Variants in LUC7L observed in about 807,000 individuals in gnomAD.
LUC7L encodes putative RNA-binding protein Luc7-like 1.
Under a neutral mutation model 51.1 loss-of-function variants are expected in LUC7L, and 29 were observed. The observed-to-expected ratio is 0.57, with a 90% CI of 0.42 to 0.77. LUC7L has a LOEUF of 0.77. LUC7L is among the 30% of genes least tolerant of loss of function. The pLI, the probability that LUC7L is intolerant of heterozygous loss-of-function variation, is 0.00. For missense variants in LUC7L, 403 were observed against 511.9 expected (o/e 0.79, Z 2.05); for synonymous variants, 181 against 180.7 (o/e 1.00, Z -0.01).
At chr16:203,406 T>C (rs2049387802) in intron 5 of LUC7L, among the ~76,000 whole-genome samples, 1 of 151,898 alleles carries the variant, frequency 6.6e-6, no homozygotes. Context: ...CAAAACCAGA[T>C]AAAGGTATTA....
intron 3 of LUC7L, among the ~76,000 whole-genome samples, chr16:216,380 GTTTTT>G (rs34292372): frequency 9.3e-6 from 1 of 107,306 alleles, no homozygotes; most frequent in Non-Finnish European, 1.8e-5. Flanking sequence ...TCAAATAGTT[GTTTTT>G]TTTTTTTTTT....
rs1383279147 is a variant in LUC7L, at chr16:189,259, TC to T, written c.1054del (p.Glu352ArgfsTer28). On this transcript the variant is annotated frameshift_variant, in exon 10 of 10. Transcript: ENST00000293872. LOFTEE classifies it high-confidence loss of function. ...SERGPPDWRLESSNGKMASRR... is the reference protein window; with the variant it reads ...SERGPPDWRLXSSNGKMASRR... Reference sequence around the variant, plus strand: ...TGAAGCCATCTTCCCGTTGGAGCTCTCAAGCCTCCAGTCCGGGGGCCCTCGC... The same window carrying T: ...TGAAGCCATCTTCCCGTTGGAGCTCTAAGCCTCCAGTCCGGGGGCCCTCGC... The T allele has an allele frequency of 6.2e-7, 1 of 1,614,036 alleles. No homozygotes were observed. The highest frequency in any genetic ancestry group is 1.7e-5 in the Admixed American group (1 of 60,006).
intron 5 of LUC7L, among the ~76,000 whole-genome samples, chr16:203,541 T>C (rs1218420098): frequency 6.6e-6 from 1 of 151,756 alleles, no homozygotes; most frequent in East Asian, 1.9e-4. Flanking sequence ...ACCCAGTCTC[T>C]CCAAAAAATA....
chr16:197,350 T>C (rs918398280), intron 6 of LUC7L, among the ~76,000 whole-genome samples: 1 of 151,224 alleles, frequency 6.6e-6, no homozygotes, highest in African/African-American at 2.4e-5. Context: ...GTAGCCAGGA[T>C]TACAGGCGCC....
intron 5 of LUC7L, among the ~76,000 whole-genome samples, chr16:203,598 T>G (rs907115698): frequency 2.0e-5 from 3 of 151,930 alleles, no homozygotes; most frequent in African/African-American, 7.2e-5. Context: ...GTCCTAGCTA[T>G]TTGAAAGGCT....
At chr16:199,316 T>C (rs1199255192) in intron 5 of LUC7L, 78 bp from the exon 6 acceptor site, 6 of 926,576 alleles carry the variant, frequency 6.5e-6, no homozygotes, top group African/African-American at 1.7e-5. Context: ...AATGAAAATA[T>C]TTGATAAGAT....
At chr16:221,186 A>ATTTTTTT (rs372906826) in intron 2 of LUC7L, among the ~76,000 whole-genome samples, 77 of 101,242 alleles carry the variant, frequency 7.6e-4, no homozygotes, top group East Asian at 1.7e-3. Context: ...CACCCAGCTA[A>ATTTTTTT]TTTTTTTTTT....
chr16:229,124 C>A (rs972153922), intron 1 of LUC7L, 155 bp downstream of exon 1: 14 of 1,408,636 alleles, frequency 9.9e-6, no homozygotes, highest in Non-Finnish European at 1.3e-5. Context: ...CCGGCTTAGA[C>A]AAAGGCCCGG....
chr16:208,683 G>A (rs1435362801), intron 3 of LUC7L: 2 of 952,310 alleles, frequency 2.1e-6, no homozygotes, highest in East Asian at 1.2e-4. Flanking sequence ...CAAAACAATA[G>A]AACAAATATT....
At chr16:217,646 G>A (rs1266208413) in intron 3 of LUC7L, among the ~76,000 whole-genome samples, 1 of 150,894 alleles carries the variant, frequency 6.6e-6, no homozygotes, top group Admixed American at 6.6e-5. Context: ...GGCAGAGGTT[G>A]CAGTGGGCCG....
intron 6 of LUC7L, among the ~76,000 whole-genome samples, chr16:197,489 C>T (rs888863652): frequency 6.6e-5 from 10 of 152,172 alleles, no homozygotes; most frequent in African/African-American, 1.9e-4. Context: ...GGATTACAGG[C>T]GTGAGCCACC....
At chr16:206,173 C>T (rs1357139553) in intron 4 of LUC7L, 26 bp from the exon 5 acceptor site, 1 of 1,601,034 alleles carries the variant, frequency 6.2e-7, no homozygotes, top group Non-Finnish European at 8.5e-7. Context: ...ATGAGGTAAG[C>T]AGACATCTGA....
intron 6 of LUC7L, among the ~76,000 whole-genome samples, chr16:196,614 G>A (rs2049156122): frequency 6.6e-6 from 1 of 151,864 alleles, no homozygotes. Context: ...TGCAACCTCT[G>A]CCTCCCGGGT....
chr16:210,685 A>C (rs1239373934), intron 3 of LUC7L, among the ~76,000 whole-genome samples: 1 of 152,086 alleles, frequency 6.6e-6, no homozygotes, highest in Admixed American at 6.6e-5. Flanking sequence ...CAATACCTAA[A>C]CCCATCAAAG....
chr16:206,678 T>C (rs1249532722), intron 4 of LUC7L, among the ~76,000 whole-genome samples: 1 of 152,092 alleles, frequency 6.6e-6, no homozygotes, highest in African/African-American at 2.4e-5. Context: ...ATCTACCTCC[T>C]TTTCATTCTA....
At chr16:214,575 G>GGAGCACAGTGGTGC (rs2049734581) in intron 3 of LUC7L, among the ~76,000 whole-genome samples, 1 of 152,130 alleles carries the variant, frequency 6.6e-6, no homozygotes, top group East Asian at 1.9e-4. Context: ...TCTCCAGGCT[G>GGAGCACAGTGGTGC]GAGCACAGTG....
At chr16:214,990 A>T (rs909166100) in intron 3 of LUC7L, among the ~76,000 whole-genome samples, 1 of 152,072 alleles carries the variant, frequency 6.6e-6, no homozygotes, top group Non-Finnish European at 1.5e-5. Flanking sequence ...GAATAGCTTG[A>T]GGCCAGGAGT....
At chr16:199,449 A>G (rs1428004104) in intron 5 of LUC7L, among the ~76,000 whole-genome samples, 1 of 152,170 alleles carries the variant, frequency 6.6e-6, no homozygotes, top group Non-Finnish European at 1.5e-5. Flanking sequence ...GCACTTTGTG[A>G]GGCCAGGTGG....
intron 3 of LUC7L, among the ~76,000 whole-genome samples, chr16:215,706 G>A (rs918547234): frequency 2.4e-4 from 37 of 151,838 alleles, no homozygotes; most frequent in Admixed American, 1.8e-3. Flanking sequence ...AGGAGGCTGC[G>A]GTGGGAAAAT....
Sources: allele counts gnomAD v4.1 joint callset (sites outside exome capture counted in the v4.1 genomes callset), GRCh38; gene constraint gnomAD v4.1.1; transcripts MANE v1.5; gene names NCBI Gene and HGNC (gene_info 2026-07-23, HGNC 2026-07-21).